Variants in BAK1 observed in about 807,000 individuals in gnomAD.
BAK1 encodes the protein bcl-2 homologous antagonist/killer.
BAK1 carries 19 observed loss-of-function variants against 24.7 expected under a neutral mutation model. The ratio of observed to expected loss-of-function variants is 0.77; its 90% confidence interval spans 0.54 to 1.13. The LOEUF (loss-of-function observed/expected upper bound fraction) is 1.13, where lower values mean the gene tolerates loss of function less well. BAK1 is among the 50% of genes most tolerant of loss of function. The probability of loss-of-function intolerance (pLI) is 0.00; values close to 1 mark genes in which losing one functional copy is unlikely to be tolerated. For missense variants in BAK1, 194 were observed against 279.4 expected, an observed-to-expected ratio of 0.69 and a Z score of 2.18; for synonymous variants, 86 against 107.3, an observed-to-expected ratio of 0.80 and a Z score of 1.23.
chr6:33,577,559 C>G lies in BAK1; in HGVS notation c.46G>C (p.Glu16Gln), dbSNP rs773859939. Residue 16 changes from glutamate to glutamine, a missense_variant, in exon 2 of 6, where the codon GAG becomes CAG. Transcript: ENST00000374467. This position sits in a 1 kb window ranked among gnomAD's most constrained non-coding sequence, Gnocchi z 4.6. The part of the protein sequence containing the change: ...GPGPPRQECG[E>Q]PALPSASEEQ... ...CCAGAAGCAGAGGGCAGGGCAGGCT[C>G]TCCGCACTCCTGCCTGGGAGGACCT... The G allele has an allele frequency of 1.3e-6, 2 of 1,549,320 alleles. No individual in the cohort carries two copies. The highest frequency in any genetic ancestry group is 1.4e-5 in the African/African-American group (1 of 73,140).
rs1047378690 is a variant in BAK1, at chr6:33,573,020, G to C, written c.*783C>G. The C allele has an allele frequency of 6.6e-6, 1 of 152,648 alleles. No homozygotes were observed. Among genetic ancestry groups the C allele is most frequent in the African/African-American group, 2.4e-5 (1 of 41,390 alleles). 9.5% of individuals were successfully genotyped at this position (152,648 alleles called of 1,614,324 possible). The stretch of plus-strand genomic sequence containing the variant: ...GGGGGTGAGAGCCTTCACCTGTAGT[G>C]AATGGGTTGGGAGCAAGTGTCTATA... On this transcript the variant is annotated 3_prime_UTR_variant, in exon 6 of 6. Transcript: ENST00000374467.
chr6:33,577,698 C>T lies in BAK1; in HGVS notation c.-31-63G>A. 1 of 1,185,384 alleles carries T rather than the reference C, an allele frequency of 8.4e-7. No individual in the cohort carries two copies. The highest frequency in any genetic ancestry group is 2.4e-5 in the Admixed American group (1 of 41,118). 73.4% of individuals were successfully genotyped at this position (1,185,384 alleles called of 1,614,324 possible). A position where few individuals can be genotyped will look rare whatever the true frequency, so the allele number is the denominator to read the frequency against. ...AGCACAGACCTGTGACTGGGGACCCCATACAGGTTGCCATGTCCACATAGG... is the reference window on the plus strand; with the variant it reads ...AGCACAGACCTGTGACTGGGGACCCTATACAGGTTGCCATGTCCACATAGG... On this transcript the variant is annotated intron_variant, in intron 1 of 5. Coordinates refer to ENST00000374467, the MANE Select transcript of BAK1 (RefSeq NM_001188.4). This position sits in a 1 kb window ranked among gnomAD's most constrained non-coding sequence, Gnocchi z 4.6.
At chr6:33,576,331 CA>C (rs11462912) in intron 2 of BAK1, among the ~76,000 whole-genome samples, 61 of 122,974 alleles carry the variant, frequency 5.0e-4, no homozygotes, top group East Asian at 7.2e-4. Flanking sequence ...AACTCTGTCT[CA>C]AAAAAAAAAA....
chr6:33,572,781 C>G lies in BAK1; in HGVS notation c.*1022G>C, dbSNP rs576272583. On this transcript the variant is annotated 3_prime_UTR_variant, in exon 6 of 6. Coordinates refer to ENST00000374467, the MANE Select transcript of BAK1 (RefSeq NM_001188.4). ...GAACAGAGTTCAAGTATTCACAGTTCCCCCATCTACACCCCTGGATTACAC... is the reference window on the plus strand; with the variant it reads ...GAACAGAGTTCAAGTATTCACAGTTGCCCCATCTACACCCCTGGATTACAC... The G allele has an allele frequency of 4.2e-4, 64 of 152,028 alleles. No homozygotes were observed. The highest frequency in any genetic ancestry group is 7.4e-5 in the Non-Finnish European group (5 of 67,868). 9.4% of individuals were successfully genotyped at this position (152,028 alleles called of 1,614,324 possible). A position where few individuals can be genotyped will look rare whatever the true frequency, so the allele number is the denominator to read the frequency against.
chr6:33,574,817 C>T (rs1762816526), intron 4 of BAK1, among the ~76,000 whole-genome samples: 2 of 152,234 alleles, frequency 1.3e-5, no homozygotes, highest in African/African-American at 4.8e-5. Context: ...TAGGAAGCTT[C>T]ACGAAGGCAG....
chr6:33,579,132 G>A (rs1425151800), intron 1 of BAK1, among the ~76,000 whole-genome samples: 1 of 152,190 alleles, frequency 6.6e-6, no homozygotes, highest in African/African-American at 2.4e-5. Context: ...TGGCCCACGA[G>A]GTCAGAAGTT....
Position 33,577,771 on chromosome 6 carries a change from T to C in BAK1, c.-31-136A>G, listed in dbSNP as rs1003795057. The C allele has an allele frequency of 6.7e-6, 4 of 595,146 alleles. No individual in the cohort carries two copies. The highest frequency in any genetic ancestry group is 1.1e-5 in the Non-Finnish European group (4 of 353,060). 36.9% of individuals were successfully genotyped at this position (595,146 alleles called of 1,614,324 possible). ...AAAGGCCCTTAGTCCTCTGGGACTT[T>C]GGCCAGGCCGGTCTCAAACTCCTGA... On this transcript the variant is annotated intron_variant, in intron 1 of 5. Transcript: ENST00000374467. This position sits in a 1 kb window ranked among gnomAD's most constrained non-coding sequence, Gnocchi z 4.6.
At chr6:33,574,695 C>T (rs762131137) in intron 4 of BAK1, among the ~76,000 whole-genome samples, 3 of 152,222 alleles carry the variant, frequency 2.0e-5, no homozygotes, top group Admixed American at 2.0e-4. Flanking sequence ...AGTTTCAAAT[C>T]TACTCCGACA....
chr6:33,575,773 G>A lies in BAK1; in HGVS notation c.206+20C>T. The A allele has an allele frequency of 6.2e-7, 1 of 1,610,986 alleles. No individual in the cohort carries two copies. The highest frequency in any genetic ancestry group is 8.5e-7 in the Non-Finnish European group (1 of 1,179,096). Reference sequence around the variant, plus strand: ...TGCCTCCCTGAAGATGTCCTTGTGGGCCCAGCGGTTGTAGCTCACCTGCTA... The same window carrying A: ...TGCCTCCCTGAAGATGTCCTTGTGGACCCAGCGGTTGTAGCTCACCTGCTA... On this transcript the variant is annotated intron_variant, in intron 3 of 5. Transcript: ENST00000374467. The surrounding 1 kb of genome is among the most constrained non-coding windows in gnomAD (Gnocchi z 6.3).
rs750765569 is a variant in BAK1 at position 33,575,893 on chromosome 6, G to A, written c.106C>T (p.Arg36Cys). 3.0e-5 allele frequency: 48 copies of A among 1,613,998 alleles called. No individual in the cohort carries two copies. Among genetic ancestry groups the A allele is most frequent in the Non-Finnish European group, 1.9e-5 (22 of 1,180,034 alleles). ...TGATGGCGGTAAAAAACGTAGCTGC[G>A]GAAAACCTCCTCTGTGTCCTGGGCT... is the stretch of plus-strand genomic sequence containing the variant. ...QVAQDTEEVF[R>C]SYVFYRHQQE... is the part of the protein sequence containing the mutation. Residue 36 changes from arginine to cysteine, a missense_variant, in exon 3 of 6, where the codon CGC becomes TGC. Coordinates refer to ENST00000374467, the MANE Select transcript of BAK1 (RefSeq NM_001188.4). This position sits in a 1 kb window ranked among gnomAD's most constrained non-coding sequence, Gnocchi z 6.3.
chr6:33,574,230 C>T lies in BAK1; in HGVS notation c.351-16G>A, dbSNP rs1399641754. 1.2e-6 allele frequency: 2 copies of T among 1,608,164 alleles called. No homozygotes were observed. Among genetic ancestry groups the T allele is most frequent in the Non-Finnish European group, 8.5e-7 (1 of 1,175,416 alleles). ...CTCAAACAGGCTGTGGGCAGAGCAT[C>T]CCATAGCATTGGTGGAGAGCCCCCA... On this transcript the variant is annotated splice_polypyrimidine_tract_variant and intron_variant, in intron 4 of 5. Transcript: ENST00000374467.
At position 33,572,586 on chromosome 6, in the gene BAK1, G is replaced by C. The variant is rs1762781933; in HGVS notation, c.*1217C>G. ...TGCACAGTTTATTTCCAAACACTCA[G>C]AGGATAGGGGGTGGCCTATGGGCTC... On this transcript the variant is annotated 3_prime_UTR_variant, in exon 6 of 6. Coordinates refer to ENST00000374467, the MANE Select transcript of BAK1 (RefSeq NM_001188.4). 6.6e-6 allele frequency: 1 copy of C among 152,534 alleles called. No homozygotes were observed. The highest frequency in any genetic ancestry group is 2.4e-5 in the African/African-American group (1 of 41,408). 9.4% of individuals were successfully genotyped at this position (152,534 alleles called of 1,614,324 possible). A position where few individuals can be genotyped will look rare whatever the true frequency, so the allele number is the denominator to read the frequency against.
chr6:33,577,940 C>T lies in BAK1; in HGVS notation c.-31-305G>A, dbSNP rs533681716. On this transcript the variant is annotated intron_variant, in intron 1 of 5. Transcript: ENST00000374467. This position sits in a 1 kb window ranked among gnomAD's most constrained non-coding sequence, Gnocchi z 4.6. The stretch of plus-strand genomic sequence containing the variant: ...GGAGGAAACAACTTACTGAACACTC[C>T]CTCTTTGAGGGAGACAGGGTAAGAA... Among the ~76,000 whole-genome samples the T allele has an allele frequency of 9.8e-5, 15 of 152,308 alleles. No homozygotes were observed. The South Asian group carries it at 2.1e-3, about 21-fold the overall frequency.
Position 33,575,404 on chromosome 6 carries a change from C to G in BAK1, c.244G>C (p.Gly82Arg), listed in dbSNP as rs775198844. The G allele has an allele frequency of 6.2e-7, 1 of 1,614,050 alleles. No individual in the cohort carries two copies. The highest frequency in any genetic ancestry group is 8.5e-7 in the Non-Finnish European group (1 of 1,180,026). The change falls in exon 4 of 6, where the codon GGG becomes CGG. Residue 82 changes from glycine to arginine, a missense_variant. Gly to Arg is a moderately radical substitution (Grantham distance 125, BLOSUM62 -2). Transcript: ENST00000374467. The surrounding 1 kb of genome is among the most constrained non-coding windows in gnomAD (Gnocchi z 6.3). ...TCATAGCGTCGGTTGATGTCGTCCC[C>G]GATGATGGCGAGCTGCCGTCCCACC... ...GQVGRQLAII[G>R]DDINRRYDSE...
Position 33,577,814 on chromosome 6 carries a change from G to A in BAK1, c.-31-179C>T, listed in dbSNP as rs1322132295. On this transcript the variant is annotated intron_variant, in intron 1 of 5. Transcript: ENST00000374467. This position sits in a 1 kb window ranked among gnomAD's most constrained non-coding sequence, Gnocchi z 4.6. ...ACTCCTGACCTCGTGAGTCTGCCTC[G>A]GCCATCCACAGTGCTGGGATTACAG... 2.0e-5 allele frequency among the ~76,000 whole-genome samples: 3 copies of A among 152,156 alleles called. No homozygotes were observed. Among genetic ancestry groups the A allele is most frequent in the Non-Finnish European group, 2.9e-5 (2 of 68,024 alleles).
chr6:33,575,143 A>C lies in BAK1; in HGVS notation c.350+155T>G. ...AAGTCTGGGACCCCGAAAGAGAAAAATAGGGGGCCGAGACCACATGTGAGT... is the reference window on the plus strand; with the variant it reads ...AAGTCTGGGACCCCGAAAGAGAAAACTAGGGGGCCGAGACCACATGTGAGT... On this transcript the variant is annotated intron_variant, in intron 4 of 5. Transcript: ENST00000374467. The surrounding 1 kb of genome is among the most constrained non-coding windows in gnomAD (Gnocchi z 6.3). 8.6e-7 allele frequency: 1 copy of C among 1,168,348 alleles called. No individual in the cohort carries two copies. Among genetic ancestry groups the C allele is most frequent in the East Asian group, 2.5e-5 (1 of 39,732 alleles). The allele number at this position is 1,168,348 out of a possible 1,614,324, so 72.4% of individuals were successfully genotyped here.
rs986407872 is a variant in BAK1 at position 33,577,568 on chromosome 6, C to T, written c.37G>A (p.Glu13Lys). The change falls in exon 2 of 6, where the codon GAG (glutamate) becomes AAG (lysine). Residue 13 changes from glutamate to lysine, a missense_variant. Physicochemically the swap from Glu to Lys is moderately conservative, Grantham distance 56 (BLOSUM62 1). Transcript: ENST00000374467. The surrounding 1 kb of genome is among the most constrained non-coding windows in gnomAD (Gnocchi z 4.6). ...GAGGGCAGGGCAGGCTCTCCGCACTCCTGCCTGGGAGGACCTGGGCCTTGC... is the reference window on the plus strand; with the variant it reads ...GAGGGCAGGGCAGGCTCTCCGCACTTCTGCCTGGGAGGACCTGGGCCTTGC... ...SGQGPGPPRQ[E>K]CGEPALPSAS... 7 of 1,549,486 alleles carry T rather than the reference C, an allele frequency of 4.5e-6. No homozygotes were observed. Among genetic ancestry groups the T allele is most frequent in the Non-Finnish European group, 6.1e-6 (7 of 1,145,650 alleles).
At position 33,577,682 on chromosome 6, in the gene BAK1, C is replaced by G; in HGVS notation, c.-31-47G>C. 7.5e-7 allele frequency: 1 copy of G among 1,333,674 alleles called. No homozygotes were observed. The highest frequency in any genetic ancestry group is 1.4e-5 in the South Asian group (1 of 72,200). The allele number at this position is 1,333,674 out of a possible 1,614,324, so 82.6% of individuals were successfully genotyped here. On this transcript the variant is annotated intron_variant, in intron 1 of 5. Transcript: ENST00000374467. The surrounding 1 kb of genome is among the most constrained non-coding windows in gnomAD (Gnocchi z 4.6). ...AGCAGAGATGGGGGTGAGCACAGAC[C>G]TGTGACTGGGGACCCCATACAGGTT... is the stretch of plus-strand genomic sequence containing the variant.
In BAK1 at chr6:33,573,505, C is replaced by T; in HGVS notation, c.*298G>A. 1 of 403,786 alleles carries T rather than the reference C, an allele frequency of 2.5e-6. No individual in the cohort carries two copies. 25.0% of individuals were successfully genotyped at this position (403,786 alleles called of 1,614,324 possible). A position where few individuals can be genotyped will look rare whatever the true frequency, so the allele number is the denominator to read the frequency against. On this transcript the variant is annotated 3_prime_UTR_variant, in exon 6 of 6. Coordinates refer to ENST00000374467, the MANE Select transcript of BAK1 (RefSeq NM_001188.4). ...AGTGGCTCCCAGTCTCTTGCCTCCC[C>T]AAGTTATCAGTCTCCCCAGCGCCTA...
Sources: gnomAD v4.1 joint callset for allele counts (sites outside exome capture counted in the v4.1 genomes callset) on GRCh38, gnomAD v4.1.1 for gene constraint, Gnocchi (gnomAD v3.1) non-coding constraint, MANE v1.5 for transcripts, NCBI Gene and HGNC (gene_info 2026-07-23, HGNC 2026-07-21) for gene names.